ASIC2: variants seen among roughly 807,000 people sequenced by gnomAD.
The protein encoded by ASIC2 is acid-sensing ion channel 2.
Under a neutral mutation model 57.3 loss-of-function variants are expected in ASIC2, and 25 were observed. The observed-to-expected ratio is 0.44, with a 90% CI of 0.32 to 0.61. The LOEUF (loss-of-function observed/expected upper bound fraction) is 0.61, where lower values mean the gene tolerates loss of function less well. Ranked by LOEUF, ASIC2 falls within the 20% of genes least tolerant of loss-of-function variation. The pLI, the probability that ASIC2 is intolerant of heterozygous loss-of-function variation, is 0.06. For missense variants in ASIC2, 641 were observed against 738.1 expected, an observed-to-expected ratio of 0.87 and a Z score of 1.52; for synonymous variants, 319 against 307.5, an observed-to-expected ratio of 1.04 and a Z score of -0.39.
rs867808861 is a variant in ASIC2, at chr17:33,292,353, G to A, written c.-238C>T. ...CCTCAGCCCGCAGCCCCTGGCAGTGGCCTCTCCCGAGCGCCTCCCAGGCTT... is the reference window on the plus strand; with the variant it reads ...CCTCAGCCCGCAGCCCCTGGCAGTGACCTCTCCCGAGCGCCTCCCAGGCTT... On this transcript the variant is annotated 5_prime_UTR_variant, in exon 1 of 10. Coordinates refer to ENST00000225823, the MANE Select transcript of ASIC2 (RefSeq NM_183377.2). 7.5e-5 allele frequency: 74 copies of A among 986,058 alleles called. 1 individual carries two copies. In the South Asian group the frequency reaches 3.0e-3, roughly 39 times the overall value. 61.1% of individuals were successfully genotyped at this position (986,058 alleles called of 1,614,324 possible).
chr17:33,748,006 CA>C (rs1348336202), intron 1 of ASIC2, among the ~76,000 whole-genome samples: 2 of 152,234 alleles, frequency 1.3e-5, no homozygotes, highest in African/African-American at 4.8e-5. Context: ...TGGAAGGTAC[CA>C]GTATCATTTC....
chr17:34,031,009 G>C (rs1369295303), intron 1 of ASIC2, among the ~76,000 whole-genome samples: 1 of 152,222 alleles, frequency 6.6e-6, no homozygotes, highest in African/African-American at 2.4e-5. Context: ...GCTTTGAAGA[G>C]AGTAGTGGTT....
chr17:33,693,362 T>G (rs1359000773), intron 1 of ASIC2, among the ~76,000 whole-genome samples: 2 of 152,230 alleles, frequency 1.3e-5, no homozygotes, highest in Non-Finnish European at 2.9e-5. Context: ...AGTCTTTTCC[T>G]TGGCCTGAGC....
chr17:33,638,389 A>G (rs994399768), intron 1 of ASIC2, among the ~76,000 whole-genome samples: 1 of 152,240 alleles, frequency 6.6e-6, no homozygotes, highest in Non-Finnish European at 1.5e-5. Context: ...CTGTGAGGAT[A>G]GAAGCAAGAT....
At chr17:33,202,849 G>A (rs1906928018) in intron 1 of ASIC2, among the ~76,000 whole-genome samples, 1 of 152,126 alleles carries the variant, frequency 6.6e-6, no homozygotes, top group Non-Finnish European at 1.5e-5. Context: ...CCTGGGGGAT[G>A]GTCATGTCCT....
At chr17:33,424,295 TAAA>T (rs1395499439) in intron 1 of ASIC2, among the ~76,000 whole-genome samples, 1 of 152,178 alleles carries the variant, frequency 6.6e-6, no homozygotes, top group Non-Finnish European at 1.5e-5. Context: ...AAGTTGTAAT[TAAA>T]TAATGTCCAG....
intron 1 of ASIC2, among the ~76,000 whole-genome samples, chr17:34,110,321 G>A (rs893221849): frequency 6.6e-6 from 1 of 152,176 alleles, no homozygotes; most frequent in African/African-American, 2.4e-5. Context: ...ATTAGGATAG[G>A]GAGCCAGGGC....
At chr17:33,384,046 C>A (rs1269087726) in intron 1 of ASIC2, among the ~76,000 whole-genome samples, 1 of 152,108 alleles carries the variant, frequency 6.6e-6, no homozygotes, top group Admixed American at 6.5e-5. Flanking sequence ...AGATTGTCTC[C>A]CTGGACTTGG....
At chr17:33,571,041 C>T (rs1008933235) in intron 1 of ASIC2, among the ~76,000 whole-genome samples, 12 of 152,090 alleles carry the variant, frequency 7.9e-5, no homozygotes, top group South Asian at 4.1e-4. Context: ...TCTAAAATAT[C>T]GGGCCCAGCT....
intron 3 of ASIC2, among the ~76,000 whole-genome samples, chr17:33,038,892 C>T (rs963008486): frequency 2.8e-4 from 43 of 152,216 alleles, no homozygotes; most frequent in African/African-American, 9.9e-4. Flanking sequence ...CCAAGGCCTC[C>T]GCAGCCCTCG....
At chr17:34,085,598 G>A (rs1050952584) in intron 1 of ASIC2, among the ~76,000 whole-genome samples, 6 of 152,172 alleles carry the variant, frequency 3.9e-5, no homozygotes, top group African/African-American at 1.4e-4. Context: ...GATTGGAATA[G>A]TTTCAGAAGG....
chr17:33,105,613 T>G (rs548753883), intron 2 of ASIC2, among the ~76,000 whole-genome samples: 1 of 152,074 alleles, frequency 6.6e-6, no homozygotes, highest in South Asian at 2.1e-4. Flanking sequence ...TTGGACAAGT[T>G]TGGAGGGCTC....
chr17:33,561,899 G>A (rs1325999723), intron 1 of ASIC2, among the ~76,000 whole-genome samples: 1 of 152,224 alleles, frequency 6.6e-6, no homozygotes, highest in African/African-American at 2.4e-5. Context: ...ACCAAGGACT[G>A]TGTGCACAAG....
intron 1 of ASIC2, among the ~76,000 whole-genome samples, chr17:33,332,645 C>T (rs141405887): frequency 0.063 from 9,523 of 152,240 alleles, 409 homozygotes; most frequent in Non-Finnish European, 0.093. Flanking sequence ...AATCCCGGCA[C>T]TTTGGGAGGC....
chr17:34,019,976 A>G (rs550179414), intron 1 of ASIC2, among the ~76,000 whole-genome samples: 2 of 152,290 alleles, frequency 1.3e-5, no homozygotes, highest in Admixed American at 1.3e-4. Context: ...ATAAAACAGA[A>G]GCTACAAGGA....
intron 1 of ASIC2, chr17:33,936,597 C>G (rs1182745023): frequency 6.6e-6 from 1 of 152,208 alleles, no homozygotes; most frequent in Non-Finnish European, 1.5e-5. Context: ...AGAGGAGGAG[C>G]CCAGGTGTCC....
intron 1 of ASIC2, among the ~76,000 whole-genome samples, chr17:33,639,981 A>G (rs1301577840): frequency 1.3e-5 from 2 of 152,178 alleles, no homozygotes; most frequent in South Asian, 2.1e-4. Flanking sequence ...TGACTGTAAC[A>G]GGGACAAGGA....
chr17:34,130,912 T>G (rs527278966), intron 1 of ASIC2, among the ~76,000 whole-genome samples: 23 of 152,340 alleles, frequency 1.5e-4, no homozygotes, highest in African/African-American at 5.1e-4. Context: ...AGGCATTTAT[T>G]CAATGGACAG....
chr17:34,054,194 T>C (rs1908675913), intron 1 of ASIC2, among the ~76,000 whole-genome samples: 1 of 152,244 alleles, frequency 6.6e-6, no homozygotes, highest in Non-Finnish European at 1.5e-5. Flanking sequence ...ATTATTCCCA[T>C]TGCTTCTCTG....
Sources: allele counts gnomAD v4.1 joint callset (sites outside exome capture counted in the v4.1 genomes callset), GRCh38; gene constraint gnomAD v4.1.1; transcripts MANE v1.5; gene names NCBI Gene and HGNC (gene_info 2026-07-23, HGNC 2026-07-21).